CCNYL1: variants seen among roughly 807,000 people sequenced by gnomAD.
The protein encoded by CCNYL1 is cyclin Y like 1, also known as cyclin-Y-like protein 1.
Under a neutral mutation model 44.2 loss-of-function variants are expected in CCNYL1, and 16 were observed. That is an observed-to-expected ratio of 0.36 (90% CI 0.25 to 0.55). The LOEUF is 0.55. Ranked by LOEUF, CCNYL1 falls within the 20% of genes least tolerant of loss-of-function variation. The pLI is 0.85. For synonymous variants in CCNYL1, 159 were observed against 163.2 expected, an observed-to-expected ratio of 0.97 and a Z score of 0.20; for missense variants, 348 against 451.8, an observed-to-expected ratio of 0.77 and a Z score of 2.08.
At chr2:207,724,947 A>G (rs898149154) in intron 2 of CCNYL1, 73 bp downstream of exon 2, 25 of 1,218,136 alleles carry the variant, frequency 2.1e-5, no homozygotes, top group Non-Finnish European at 2.5e-5. Flanking sequence ...TGTATTATAG[A>G]AGGTATTTAG....
At position 207,716,339 on chromosome 2, in the gene CCNYL1, CTT is replaced by C. The variant is rs34650916; in HGVS notation, c.220+4238_220+4239del. Reference sequence around the variant, plus strand: ...TTCCAGTAGCTATTTTAAGCCCTCTCTTTTTTTTTTTTTTTTGCTTTTTTGAA... The same window carrying C: ...TTCCAGTAGCTATTTTAAGCCCTCTCTTTTTTTTTTTTTTGCTTTTTTGAA... On this transcript the variant is annotated intron_variant, in intron 1 of 9. Transcript: ENST00000295414. Among the ~76,000 whole-genome samples, 1,146 of 129,586 alleles carry C rather than the reference CTT, an allele frequency of 8.8e-3. 7 individuals are homozygous for C. The highest frequency in any genetic ancestry group is 0.02 in the Middle Eastern group (5 of 256). 85.0% of individuals were successfully genotyped at this position (129,586 alleles called of 152,430 possible).
At chr2:207,723,897 A>G (rs1470034428) in intron 1 of CCNYL1, among the ~76,000 whole-genome samples, 3 of 147,392 alleles carry the variant, frequency 2.0e-5, no homozygotes, top group East Asian at 2.0e-4. Flanking sequence ...AAAAAAAAAG[A>G]CCTTGCTGAA....
In CCNYL1 at chr2:207,712,132, A is replaced by T; in HGVS notation, c.220+16A>T. On this transcript the variant is annotated intron_variant, in intron 1 of 9. Transcript: ENST00000295414. ...ATGCCCGAAGGTAAGGAGGCGGCGG[A>T]TGCCATCCGCCCTCGGGCTCACCTC... The T allele has an allele frequency of 1.3e-6, 2 of 1,591,462 alleles. No individual in the cohort carries two copies. Among genetic ancestry groups the T allele is most frequent in the South Asian group, 2.2e-5 (2 of 90,216 alleles).
intron 9 of CCNYL1, 88 bp downstream of exon 9, chr2:207,751,207 A>G (rs926406279): frequency 1.1e-5 from 13 of 1,204,004 alleles, no homozygotes; most frequent in Non-Finnish European, 1.3e-5. Context: ...GTGATTAGGA[A>G]AATGGAAAGC....
At chr2:207,733,811 A>G in intron 3 of CCNYL1, 136 bp from the exon 4 acceptor site, 1 of 610,914 alleles carries the variant, frequency 1.6e-6, no homozygotes, top group South Asian at 2.1e-5. Flanking sequence ...GCTGCACATG[A>G]TACTACACTC....
chr2:207,712,291 G>A (rs1457497081), intron 1 of CCNYL1, among the ~76,000 whole-genome samples, 175 bp downstream of exon 1: 1 of 152,154 alleles, frequency 6.6e-6, no homozygotes, highest in Non-Finnish European at 1.5e-5. Flanking sequence ...GCTGCGTCTG[G>A]CCAGTTTCTT....
At position 207,711,847 on chromosome 2, in the gene CCNYL1, C is replaced by T; in HGVS notation, c.-50C>T. 2.4e-6 allele frequency: 3 copies of T among 1,265,638 alleles called. No homozygotes were observed. Among genetic ancestry groups the T allele is most frequent in the South Asian group, 2.1e-5 (1 of 48,268 alleles). 78.4% of individuals were successfully genotyped at this position (1,265,638 alleles called of 1,614,324 possible). On this transcript the variant is annotated 5_prime_UTR_variant, in exon 1 of 10. Coordinates refer to ENST00000295414, the MANE Select transcript of CCNYL1 (RefSeq NM_001330218.2). ...GGGAGGGGGCGGCTGTTGAGGGCGG[C>T]GGAGTAGGGGGCGAGCGAAGGCGGT...
chr2:207,750,765 G>T (rs1037830663), intron 8 of CCNYL1, 192 bp from the exon 9 acceptor site: 10 of 498,288 alleles, frequency 2.0e-5, no homozygotes, highest in South Asian at 1.5e-4. Context: ...CCCAGTTCCA[G>T]AGTGCTGGGA....
At chr2:207,750,114 C>T (rs1346907953) in intron 8 of CCNYL1, among the ~76,000 whole-genome samples, 1 of 152,162 alleles carries the variant, frequency 6.6e-6, no homozygotes, top group Non-Finnish European at 1.5e-5. Flanking sequence ...CTGACCAGGA[C>T]GGTAGATACT....
intron 7 of CCNYL1, among the ~76,000 whole-genome samples, chr2:207,745,130 A>T (rs973211139): frequency 1.3e-5 from 2 of 152,112 alleles, no homozygotes; most frequent in Admixed American, 1.3e-4. Context: ...ATGGGAGATG[A>T]GAAGCTGACA....
chr2:207,736,916 G>A (rs1334491457), intron 4 of CCNYL1, among the ~76,000 whole-genome samples: 1 of 151,352 alleles, frequency 6.6e-6, no homozygotes, highest in Non-Finnish European at 1.5e-5. Context: ...GCATATTACT[G>A]GGTTTTTTTT....
intron 5 of CCNYL1, among the ~76,000 whole-genome samples, chr2:207,739,497 T>C (rs1186353279): frequency 6.6e-6 from 1 of 152,224 alleles, no homozygotes; most frequent in African/African-American, 2.4e-5. Flanking sequence ...CCCAAGGTGC[T>C]GGGATTATAG....
At chr2:207,724,496 A>G (rs150601613) in intron 1 of CCNYL1, among the ~76,000 whole-genome samples, 1 of 152,172 alleles carries the variant, frequency 6.6e-6, no homozygotes, top group Non-Finnish European at 1.5e-5. Context: ...TTATATTTCT[A>G]TTTGATAAGT....
chr2:207,735,179 G>C (rs2091755636), intron 4 of CCNYL1, among the ~76,000 whole-genome samples: 1 of 152,134 alleles, frequency 6.6e-6, no homozygotes, highest in African/African-American at 2.4e-5. Context: ...AGTACAGTAA[G>C]TTTTAATTTG....
chr2:207,712,015 C>A lies in CCNYL1; in HGVS notation c.119C>A (p.Ala40Glu). Reference protein sequence around the residue: ...SDIYEAVSGDAVAVAPAVVEP... With the variant: ...SDIYEAVSGDEVAVAPAVVEP... ...ATCTACGAGGCGGTGTCCGGGGACG[C>A]GGTGGCGGTAGCGCCCGCTGTGGTG... The change falls in exon 1 of 10, where the codon GCG becomes GAG. Residue 40 changes from alanine (A) to glutamate (E), a missense_variant. Ala to Glu is a moderately radical substitution (Grantham distance 107, BLOSUM62 -1). Coordinates refer to ENST00000295414, the MANE Select transcript of CCNYL1 (RefSeq NM_001330218.2). 1 of 1,488,942 alleles carries A rather than the reference C, an allele frequency of 6.7e-7. No individual in the cohort carries two copies. Among genetic ancestry groups the A allele is most frequent in the Non-Finnish European group, 8.9e-7 (1 of 1,118,814 alleles). 92.2% of individuals were successfully genotyped at this position (1,488,942 alleles called of 1,614,324 possible). A position where few individuals can be genotyped will look rare whatever the true frequency, so the allele number is the denominator to read the frequency against.
chr2:207,746,131 G>A (rs1295564696), intron 7 of CCNYL1, among the ~76,000 whole-genome samples: 1 of 152,136 alleles, frequency 6.6e-6, no homozygotes, highest in African/African-American at 2.4e-5. Context: ...GGAATACCAG[G>A]GGTCCAGAGA....
At chr2:207,729,445 T>A (rs1273447788) in intron 3 of CCNYL1, among the ~76,000 whole-genome samples, 2 of 152,136 alleles carry the variant, frequency 1.3e-5, no homozygotes, top group African/African-American at 4.8e-5. Context: ...CTCCCATGCA[T>A]TCCTTTTTCC....
At chr2:207,744,043 T>C (rs770899734) in intron 7 of CCNYL1, among the ~76,000 whole-genome samples, 6 of 152,072 alleles carry the variant, frequency 3.9e-5, no homozygotes, top group Non-Finnish European at 5.9e-5. Flanking sequence ...TAGTGGTAAG[T>C]AGCAAGAAGA....
intron 3 of CCNYL1, among the ~76,000 whole-genome samples, chr2:207,733,709 C>T (rs997863686): frequency 2.6e-5 from 4 of 152,104 alleles, no homozygotes; most frequent in Admixed American, 1.3e-4. Flanking sequence ...AGATGCTTGC[C>T]AGGTTTGATT....
Sources: gnomAD v4.1 joint callset for allele counts (sites outside exome capture counted in the v4.1 genomes callset) on GRCh38, gnomAD v4.1.1 for gene constraint, MANE v1.5 for transcripts, NCBI Gene and HGNC (gene_info 2026-07-23, HGNC 2026-07-21) for gene names.